HK1: variants seen among roughly 807,000 people sequenced by gnomAD.
HK1 encodes the protein hexokinase-1.
In HK1, 28 loss-of-function variants were observed where a neutral mutation model predicts 91.6. The observed-to-expected ratio is 0.31, with a 90% confidence interval of 0.23 to 0.42. The LOEUF is 0.42. Ranked by LOEUF, HK1 falls within the 10% of genes least tolerant of loss-of-function variation. The pLI, the probability that HK1 is intolerant of heterozygous loss-of-function variation, is 1.00. For missense variants in HK1, 770 were observed against 1,219.8 expected (o/e 0.63, Z 5.49); for synonymous variants, 430 against 468.1 (o/e 0.92, Z 1.05).
At chr10:69,360,365 G>T (rs1278466239) in intron 3 of HK1, among the ~76,000 whole-genome samples, 1 of 152,226 alleles carries the variant, frequency 6.6e-6, no homozygotes, top group East Asian at 1.9e-4. Context: ...GGATCCTGGG[G>T]TCGGTTCCCC....
At chr10:69,399,495 G>A (rs1840291698) in intron 17 of HK1, among the ~76,000 whole-genome samples, 1 of 152,186 alleles carries the variant, frequency 6.6e-6, no homozygotes, top group African/African-American at 2.4e-5. Context: ...CTGGGCAACA[G>A]AGTGAGACCC....
chr10:69,338,273 G>T, intron 1 of HK1: 1 of 1,172,348 alleles, frequency 8.5e-7, no homozygotes. Flanking sequence ...GGGCAGCGGT[G>T]GACAGAGGCC....
rs1461887599 is a variant in HK1, at chr10:69,288,696, T to C, written c.-189T>C. On this transcript the variant is annotated 5_prime_UTR_variant, in exon 3 of 22. Coordinates refer to the HK1 transcript ENST00000360289. ...GCGTTCAAGACCCAGCTGTTGAGAG[T>C]AGAAAAGCAGAAGAAAGGACCCGAG... 22 of 1,598,758 alleles carry C rather than the reference T, an allele frequency of 1.4e-5. No individual in the cohort carries two copies. The South Asian group carries it at 2.2e-4, about 16-fold the overall frequency.
intron 1 of HK1, among the ~76,000 whole-genome samples, chr10:69,329,149 T>C (rs546982146): frequency 6.6e-6 from 1 of 151,344 alleles, no homozygotes; most frequent in South Asian, 2.1e-4. Flanking sequence ...TGTATAGACA[T>C]GCTTTCTTTC....
intron 5 of HK1, among the ~76,000 whole-genome samples, chr10:69,309,065 T>G (rs886386701): frequency 6.6e-6 from 1 of 152,148 alleles, no homozygotes; most frequent in Non-Finnish European, 1.5e-5. Flanking sequence ...ATTCCAGCAC[T>G]TTGGAAGGCC....
chr10:69,285,038 C>T (rs756996231), intron 2 of HK1, among the ~76,000 whole-genome samples: 28 of 152,098 alleles, frequency 1.8e-4, no homozygotes, highest in South Asian at 8.3e-4. Context: ...ATGATGGTCT[C>T]GAACTCCTGA....
intron 16 of HK1, among the ~76,000 whole-genome samples, chr10:69,396,955 G>C (rs1336398520): frequency 6.6e-6 from 1 of 152,138 alleles, no homozygotes; most frequent in Non-Finnish European, 1.5e-5. Context: ...AGAGTGCTGG[G>C]ATTACAGGCA....
intron 1 of HK1, among the ~76,000 whole-genome samples, chr10:69,332,385 T>TTTCTTTCTTTCTTTC (rs1589497802): frequency 9.0e-5 from 12 of 133,432 alleles, no homozygotes; most frequent in South Asian, 2.4e-4. Flanking sequence ...TTCTTTCTTT[T>TTTCTTTCTTTCTTTC]TTTCTTTTTT....
intron 15 of HK1, among the ~76,000 whole-genome samples, 175 bp from the exon 16 acceptor site, chr10:69,394,775 C>T (rs1840060478): frequency 6.6e-6 from 1 of 152,154 alleles, no homozygotes; most frequent in African/African-American, 2.4e-5. Flanking sequence ...GGAGGACTCC[C>T]TGGTCCTTCC....
chr10:69,273,522 T>C (rs531029021), intron 1 of HK1, among the ~76,000 whole-genome samples: 171 of 152,124 alleles, frequency 1.1e-3, no homozygotes, highest in African/African-American at 3.9e-3. Context: ...AGCCTAACTT[T>C]TGTATTTTTA....
intron 15 of HK1, among the ~76,000 whole-genome samples, chr10:69,393,449 AC>A (rs1840000772): frequency 6.6e-6 from 1 of 151,916 alleles, no homozygotes; most frequent in South Asian, 2.1e-4. Flanking sequence ...GGTGCACGGC[AC>A]CACGCCCAGC....
intron 3 of HK1, among the ~76,000 whole-genome samples, chr10:69,363,221 T>C (rs555482186): frequency 6.6e-6 from 1 of 152,228 alleles, no homozygotes; most frequent in African/African-American, 2.4e-5. Context: ...ATGAGAGTCA[T>C]GTGAAAGAGA....
intron 2 of HK1, among the ~76,000 whole-genome samples, chr10:69,359,064 A>G (rs544809184): frequency 4.1e-4 from 63 of 151,894 alleles, no homozygotes; most frequent in South Asian, 4.2e-4. Flanking sequence ...TTAAAAAAAA[A>G]AAGAGTAAAA....
At chr10:69,318,232 C>T (rs1450143797), upstream of HK1, 1 of 985,374 alleles carries the variant, frequency 1.0e-6, no homozygotes. Context: ...CGCTGAAGAC[C>T]CAGGTAGGCC....
chr10:69,381,738 G>C (rs1839400067), intron 9 of HK1, among the ~76,000 whole-genome samples: 1 of 151,978 alleles, frequency 6.6e-6, no homozygotes, highest in African/African-American at 2.4e-5. Flanking sequence ...ATTTTTAGTA[G>C]AGACGGGGTT....
At chr10:69,350,403 G>T (rs916071235) in intron 2 of HK1, among the ~76,000 whole-genome samples, 26 of 152,144 alleles carry the variant, frequency 1.7e-4, no homozygotes, top group African/African-American at 6.0e-4. Context: ...GCCCGGCAGC[G>T]TATAGGACCA....
chr10:69,308,917 C>T (rs963478360), intron 5 of HK1, among the ~76,000 whole-genome samples: 1 of 152,166 alleles, frequency 6.6e-6, no homozygotes, highest in African/African-American at 2.4e-5. Context: ...ACCTGCTGCT[C>T]ACCTCCTGCT....
At chr10:69,393,738 G>C (rs192821642) in intron 15 of HK1, among the ~76,000 whole-genome samples, 2 of 152,332 alleles carry the variant, frequency 1.3e-5, no homozygotes, top group Admixed American at 1.3e-4. Flanking sequence ...CCTACCAAAT[G>C]ACCTGAACTA....
upstream of HK1, chr10:69,318,285 G>A: frequency 2.1e-6 from 2 of 939,138 alleles, no homozygotes; most frequent in Non-Finnish European, 2.5e-6. Flanking sequence ...ACCCGGGTGC[G>A]AGGACTGCGT....
Sources: gnomAD v4.1 joint callset for allele counts (sites outside exome capture counted in the v4.1 genomes callset) on GRCh38, gnomAD v4.1.1 for gene constraint, MANE v1.5 for transcripts, NCBI Gene and HGNC (gene_info 2026-07-23, HGNC 2026-07-21) for gene names.